SMC2: variants seen among roughly 807,000 people sequenced by gnomAD.
SMC2 encodes structural maintenance of chromosomes 2.
SMC2 carries 41 observed loss-of-function variants against 142.6 expected under a neutral mutation model. That is an observed-to-expected ratio of 0.29 (90% CI 0.22 to 0.37). The LOEUF (loss-of-function observed/expected upper bound fraction) is 0.37. SMC2 is among the 10% of genes least tolerant of loss of function. The pLI, the probability that SMC2 is intolerant of heterozygous loss-of-function variation, is 1.00. For missense variants in SMC2, 1,265 were observed against 1,373.7 expected (o/e 0.92, Z 1.25); for synonymous variants, 463 against 457.5 (o/e 1.01, Z -0.15).
upstream of SMC2, among the ~76,000 whole-genome samples, chr9:104,090,290 G>T (rs576586945): frequency 1.3e-5 from 2 of 152,308 alleles, no homozygotes; most frequent in African/African-American, 4.8e-5. Flanking sequence ...TACTGCGGTA[G>T]CCCTCCAAAA....
chr9:104,096,368 T>G lies in SMC2; in HGVS notation c.318+71T>G. ...TGATGTGGTTTTTGGCCCTATGCCT[T>G]TGCAAAACGTGCTAGAGAAAGTTCA... is the stretch of plus-strand genomic sequence containing the variant. On this transcript the variant is annotated intron_variant, in intron 3 of 24. Transcript: ENST00000374793. The G allele has an allele frequency of 2.8e-6, 4 of 1,441,620 alleles. No individual in the cohort carries two copies. The South Asian group carries it at 5.0e-5, about 18-fold the overall frequency. 89.3% of individuals were successfully genotyped at this position (1,441,620 alleles called of 1,614,324 possible).
At chr9:104,118,415 T>C (rs1244169829) in intron 15 of SMC2, 40 bp downstream of exon 15, 3 of 1,529,838 alleles carry the variant, frequency 2.0e-6, no homozygotes, top group Non-Finnish European at 2.7e-6. Context: ...TTCTTTGTGG[T>C]AAATAGGAAG....
rs2131277663 is a variant in SMC2 at position 104,096,350 on chromosome 9, G to GT, written c.318+58dup. ...CTTAAGACCTTTTATGTCTGATGTGGTTTTTGGCCCTATGCCTTTGCAAAA... is the reference window on the plus strand; with the variant it reads ...CTTAAGACCTTTTATGTCTGATGTGGTTTTTTGGCCCTATGCCTTTGCAAAA... On this transcript the variant is annotated intron_variant, in intron 3 of 24. Coordinates refer to ENST00000374793, the MANE Select transcript of SMC2 (RefSeq NM_006444.3). 39 of 1,575,628 alleles carry GT rather than the reference G, an allele frequency of 2.5e-5. No homozygotes were observed. The South Asian group carries it at 4.2e-4, about 17-fold the overall frequency.
At chr9:104,124,179 CCT>C (rs1479722888) in intron 17 of SMC2, among the ~76,000 whole-genome samples, 2 of 152,194 alleles carry the variant, frequency 1.3e-5, no homozygotes, top group Non-Finnish European at 2.9e-5. Context: ...GCAACCTCCA[CCT>C]CCTGGGTTCA....
chr9:104,089,334 CTT>C (rs1829960062), upstream of SMC2, among the ~76,000 whole-genome samples: 1 of 151,904 alleles, frequency 6.6e-6, no homozygotes, highest in South Asian at 2.1e-4. Flanking sequence ...TGAAGACTCT[CTT>C]TGAATCTAGT....
intron 11 of SMC2, 99 bp downstream of exon 11, chr9:104,113,574 C>A: frequency 2.1e-6 from 2 of 930,374 alleles, no homozygotes; most frequent in Admixed American, 3.4e-5. Flanking sequence ...GGAAACATTT[C>A]TTAGCCTATT....
Position 104,113,307 on chromosome 9 carries a change from C to G in SMC2, c.1255-9C>G. On this transcript the variant is annotated splice_polypyrimidine_tract_variant and intron_variant, in intron 10 of 24. Transcript: ENST00000374793. Reference sequence around the variant, plus strand: ...ACATCCTATGGTCTGTTGCATTTTTCTGCCACAGGCTCAGATGAAGTTGAA... The same window carrying G: ...ACATCCTATGGTCTGTTGCATTTTTGTGCCACAGGCTCAGATGAAGTTGAA... 1 of 1,593,646 alleles carries G rather than the reference C, an allele frequency of 6.3e-7. No homozygotes were observed. The highest frequency in any genetic ancestry group is 1.2e-5 in the South Asian group (1 of 86,842).
intron 13 of SMC2, among the ~76,000 whole-genome samples, chr9:104,115,713 A>T (rs1445928952): frequency 1.3e-5 from 2 of 152,174 alleles, no homozygotes; most frequent in African/African-American, 4.8e-5. Context: ...GTGTGACAGC[A>T]CCTAAAATTT....
upstream of SMC2, among the ~76,000 whole-genome samples, chr9:104,090,422 G>C (rs1432888331): frequency 6.6e-6 from 1 of 152,032 alleles, no homozygotes; most frequent in East Asian, 1.9e-4. Context: ...TGGAGCCTTA[G>C]GAATAGCCAG....
intron 9 of SMC2, among the ~76,000 whole-genome samples, chr9:104,106,671 G>T (rs1382875189): frequency 1.3e-5 from 2 of 152,090 alleles, no homozygotes; most frequent in African/African-American, 4.8e-5. Context: ...GGGATTACAG[G>T]CATGAACCAC....
Position 104,116,314 on chromosome 9 carries a change from A to T in SMC2, c.1786A>T (p.Asn596Tyr). The T allele has an allele frequency of 1.2e-6, 2 of 1,603,952 alleles. No individual in the cohort carries two copies. Among genetic ancestry groups the T allele is most frequent in the Non-Finnish European group, 1.7e-6 (2 of 1,176,698 alleles). Residue 596 changes from asparagine to tyrosine, a missense_variant, in exon 14 of 25, where the codon AAT becomes TAT. Coordinates refer to ENST00000374793, the MANE Select transcript of SMC2 (RefSeq NM_006444.3). ...ACCAGAAACTCTGAGAGTTGCTCAGAATCTTGTAAGTCTCATTTTGTCTTA... is the reference window on the plus strand; with the variant it reads ...ACCAGAAACTCTGAGAGTTGCTCAGTATCTTGTAAGTCTCATTTTGTCTTA... ...IAPETLRVAQ[N>Y]LVGPDNVHVA...
intron 9 of SMC2, among the ~76,000 whole-genome samples, chr9:104,104,314 T>A (rs1341260332): frequency 3.3e-5 from 5 of 152,212 alleles, no homozygotes; most frequent in Non-Finnish European, 5.9e-5. Context: ...GAAATGGATT[T>A]ATTACTTATT....
chr9:104,116,157 T>C (rs1833086593), intron 13 of SMC2, 43 bp from the exon 14 acceptor site: 1 of 1,542,704 alleles, frequency 6.5e-7, no homozygotes, highest in African/African-American at 1.4e-5. Flanking sequence ...CAATTTTCTG[T>C]CATTTTTAAC....
chr9:104,098,414 A>G (rs1830715167), intron 3 of SMC2, 32 bp from the exon 4 acceptor site: 2 of 1,542,200 alleles, frequency 1.3e-6, no homozygotes, highest in Non-Finnish European at 1.7e-6. Context: ...GTGCATGTAC[A>G]TTAATATTTA....
intron 9 of SMC2, among the ~76,000 whole-genome samples, chr9:104,106,215 A>G (rs1202264244): frequency 2.0e-5 from 3 of 152,092 alleles, no homozygotes. Context: ...GCCCATTATC[A>G]TGTTGCTTGG....
chr9:104,131,288 C>A (rs1054341828), intron 21 of SMC2, among the ~76,000 whole-genome samples: 1 of 152,028 alleles, frequency 6.6e-6, no homozygotes, highest in Non-Finnish European at 1.5e-5. Flanking sequence ...GGCCATAAGA[C>A]AATAGTGAGT....
intron 9 of SMC2, among the ~76,000 whole-genome samples, chr9:104,102,997 A>T (rs1197677845): frequency 1.3e-5 from 2 of 152,110 alleles, no homozygotes; most frequent in Non-Finnish European, 2.9e-5. Context: ...TTGAGTAGTG[A>T]TGTTGATTAG....
At position 104,134,481 on chromosome 9, in the gene SMC2, C is replaced by T. The variant is rs749136526; in HGVS notation, c.3175C>T (p.Pro1059Ser). Residue 1059 changes from proline to serine, a missense_variant, in exon 23 of 25, where the codon CCA (proline) becomes TCA (serine). Around this residue, in one of 4 missense-constraint regions of SMC2, gnomAD observed 192 missense variants for 261.9 expected, o/e 0.73. Transcript: ENST00000374793. ...LPGANAMLAP[P>S]EGQTVLDGLE... ...TGGTGCTAATGCTATGCTTGCACCA[C>T]CAGAGGGTCAAACTGTTTTGGATGG... 48 of 1,612,428 alleles carry T rather than the reference C, an allele frequency of 3.0e-5. No individual in the cohort carries two copies. The highest frequency in any genetic ancestry group is 1.6e-4 in the Middle Eastern group (1 of 6,076).
At chr9:104,120,412 C>A (rs1833602747) in intron 16 of SMC2, among the ~76,000 whole-genome samples, 2 of 152,080 alleles carry the variant, frequency 1.3e-5, no homozygotes, top group Non-Finnish European at 2.9e-5. Flanking sequence ...TCAAATATTC[C>A]ATTCTCTCTG....
Sources: allele counts gnomAD v4.1 joint callset (sites outside exome capture counted in the v4.1 genomes callset), GRCh38; gene constraint gnomAD v4.1.1; regional missense constraint gnomAD v4.1.1; transcripts MANE v1.5; gene names NCBI Gene and HGNC (gene_info 2026-07-23, HGNC 2026-07-21).